DNAH8: variants seen among roughly 807,000 people sequenced by gnomAD.
DNAH8 encodes dynein axonemal heavy chain 8.
In DNAH8, 382 loss-of-function variants were observed where a neutral mutation model predicts 562.1. That is an observed-to-expected ratio of 0.68 (90% CI 0.63 to 0.74). DNAH8 has a LOEUF of 0.74. DNAH8 is among the 30% of genes least tolerant of loss of function. The probability of loss-of-function intolerance (pLI) is 0.00; values close to 1 mark genes in which losing one functional copy is unlikely to be tolerated. For synonymous variants in DNAH8, 1,881 were observed against 1,919.4 expected, an observed-to-expected ratio of 0.98 and a Z score of 0.52; for missense variants, 5,203 against 5,620.4, an observed-to-expected ratio of 0.93 and a Z score of 2.37.
chr6:38,867,948 C>A (rs1165571077), intron 47 of DNAH8, 114 bp from the exon 48 acceptor site: 7 of 1,063,636 alleles, frequency 6.6e-6, no homozygotes, highest in Non-Finnish European at 9.4e-6. Flanking sequence ...GGCTTAGTCA[C>A]CCCAAAACTA....
At chr6:38,719,444 C>T (rs887025789) in intron 1 of DNAH8, among the ~76,000 whole-genome samples, 3 of 151,964 alleles carry the variant, frequency 2.0e-5, no homozygotes, top group East Asian at 1.9e-4. Context: ...TCCATGTATC[C>T]CCAGTGTTTA....
Position 38,853,352 on chromosome 6 carries a change from GAATACACAATGCTTAAGTAATGGTGA to G in DNAH8, c.5733+8_5733+33del, listed in dbSNP as rs995341423. On this transcript the variant is annotated splice_donor_region_variant and intron_variant, in intron 41 of 92. Coordinates refer to ENST00000327475, the MANE Select transcript of DNAH8 (RefSeq NM_001206927.2). ...CTCAGCCACTTTCCAGCACAGGTGA[GAATACACAATGCTTAAGTAATGGTGA>G]AAAGAAATGGAAATAAAGGGGAAGG... The G allele has an allele frequency of 6.2e-7, 1 of 1,610,358 alleles. No individual in the cohort carries two copies. The highest frequency in any genetic ancestry group is 1.3e-5 in the African/African-American group (1 of 74,628).
At position 38,822,906 on chromosome 6, in the gene DNAH8, G is replaced by T. The variant is rs778934081; in HGVS notation, c.3592G>T (p.Asp1198Tyr). 1.9e-6 allele frequency: 3 copies of T among 1,612,708 alleles called. No homozygotes were observed. Among genetic ancestry groups the T allele is most frequent in the Admixed American group, 1.7e-5 (1 of 59,676 alleles). The change falls in exon 27 of 93, where the codon GAT becomes TAT. Residue 1198 changes from aspartate to tyrosine, a missense_variant. By Grantham distance (160) the Asp-to-Tyr change is radical. Around this residue, in one of 6 missense-constraint regions of DNAH8, gnomAD observed 2,176 missense variants for 2,365.1 expected, o/e 0.92. Coordinates refer to ENST00000327475, the MANE Select transcript of DNAH8 (RefSeq NM_001206927.2). ...NFYPGVAEHKDISKLVLLLSS... is the reference protein window; with the variant it reads ...NFYPGVAEHKYISKLVLLLSS... ...TTACCCGGGGGTAGCGGAGCACAAGGATATTTCTAAGTTGGTCCTGCTCCT... is the reference window on the plus strand; with the variant it reads ...TTACCCGGGGGTAGCGGAGCACAAGTATATTTCTAAGTTGGTCCTGCTCCT...
At chr6:38,758,684 T>C (rs985538650) in intron 10 of DNAH8, among the ~76,000 whole-genome samples, 10 of 152,116 alleles carry the variant, frequency 6.6e-5, no homozygotes, top group African/African-American at 2.4e-4. Flanking sequence ...ATAGCTCTTA[T>C]TATTTTGAGA....
In DNAH8 at chr6:38,783,102, C is replaced by T; in HGVS notation, c.2358C>T (p.His786=). Reference sequence around the variant, plus strand: ...TGGTGGAATTCGAGGTGGTCTATCACACAGCCTGGATCAGAGAGATTTCAC... The same window carrying T: ...TGGTGGAATTCGAGGTGGTCTATCATACAGCCTGGATCAGAGAGATTTCAC... ...YVLVEFEVVY[H]TAWIREISQL... Residue 786 remains histidine (H), a synonymous_variant, in exon 17 of 93, where the codon CAC becomes CAT. Transcript: ENST00000327475. 2 of 1,614,028 alleles carry T rather than the reference C, an allele frequency of 1.2e-6. No homozygotes were observed. Among genetic ancestry groups the T allele is most frequent in the Non-Finnish European group, 1.7e-6 (2 of 1,179,918 alleles).
intron 82 of DNAH8, among the ~76,000 whole-genome samples, chr6:38,957,866 C>CAAAAA (rs1209427701): frequency 3.6e-4 from 27 of 75,844 alleles, no homozygotes; most frequent in East Asian, 1.3e-3. Context: ...ATGCCTACAC[C>CAAAAA]AAAAAAAAAA....
chr6:38,816,142 T>C (rs1387825053), intron 26 of DNAH8, among the ~76,000 whole-genome samples: 2 of 152,132 alleles, frequency 1.3e-5, no homozygotes, highest in Non-Finnish European at 2.9e-5. Flanking sequence ...TAGGTAAACA[T>C]GTGCCATGGT....
intron 8 of DNAH8, among the ~76,000 whole-genome samples, chr6:38,745,576 A>G (rs1764859053): frequency 6.6e-6 from 1 of 152,206 alleles, no homozygotes; most frequent in Non-Finnish European, 1.5e-5. Context: ...TGAAGGGGTA[A>G]CATTAGTACG....
intron 21 of DNAH8, 113 bp downstream of exon 21, chr6:38,791,787 T>TTG: frequency 9.0e-7 from 1 of 1,106,848 alleles, no homozygotes; most frequent in African/African-American, 1.6e-5. Context: ...GACTTTTTTT[T>TTG]TTTGTTTTTT....
intron 62 of DNAH8, among the ~76,000 whole-genome samples, chr6:38,904,934 CT>C (rs1780344129): frequency 6.6e-6 from 1 of 152,022 alleles, no homozygotes; most frequent in South Asian, 2.1e-4. Flanking sequence ...ACAGAGAATA[CT>C]TTTGGAAAAC....
rs1047801361 is a variant in DNAH8 at position 38,973,128 on chromosome 6, T to C, written c.12526-533T>C. 3.5e-4 allele frequency among the ~76,000 whole-genome samples: 53 copies of C among 152,242 alleles called. 2 individuals are homozygous for C. Among genetic ancestry groups the C allele is most frequent in the East Asian group, 5.8e-4 (3 of 5,208 alleles). Reference sequence around the variant, plus strand: ...AATCAAGTATTTATTTAGAAAGTGCTTAATAAGTTATGTGGTTTCAGGAAA... The same window carrying C: ...AATCAAGTATTTATTTAGAAAGTGCCTAATAAGTTATGTGGTTTCAGGAAA... On this transcript the variant is annotated intron_variant, in intron 83 of 92. Transcript: ENST00000327475.
At chr6:38,862,186 A>G in intron 43 of DNAH8, 94 bp from the exon 44 acceptor site, 2 of 1,106,426 alleles carry the variant, frequency 1.8e-6, no homozygotes, top group Non-Finnish European at 2.6e-6. Flanking sequence ...TCTAAAATAA[A>G]TAGGCCCATT....
At chr6:39,009,030 T>C (rs1766000969) in intron 89 of DNAH8, 60 bp downstream of exon 89, 3 of 1,246,086 alleles carry the variant, frequency 2.4e-6, no homozygotes, top group Non-Finnish European at 1.1e-6. Flanking sequence ...AACAGTAAGT[T>C]TGATTACCTT....
intron 53 of DNAH8, among the ~76,000 whole-genome samples, chr6:38,879,032 AAAG>A (rs1317037914): frequency 2.6e-5 from 4 of 152,302 alleles, no homozygotes; most frequent in Non-Finnish European, 4.4e-5. Flanking sequence ...TAAAATTTAA[AAAG>A]AAGAAATAGA....
At chr6:38,769,295 G>A (rs1361324054) in intron 11 of DNAH8, among the ~76,000 whole-genome samples, 3 of 152,124 alleles carry the variant, frequency 2.0e-5, no homozygotes, top group Non-Finnish European at 4.4e-5. Flanking sequence ...AGGTATACAC[G>A]TGCCATGGTG....
intron 43 of DNAH8, among the ~76,000 whole-genome samples, 196 bp downstream of exon 43, chr6:38,860,825 A>G (rs569744418): frequency 6.6e-6 from 1 of 152,358 alleles, no homozygotes; most frequent in Non-Finnish European, 1.5e-5. Flanking sequence ...AGAAAAAGAT[A>G]AAAGAATAAA....
At chr6:39,023,268 G>T (rs958859437) in intron 91 of DNAH8, among the ~76,000 whole-genome samples, 1 of 152,118 alleles carries the variant, frequency 6.6e-6, no homozygotes, top group Non-Finnish European at 1.5e-5. Flanking sequence ...CGAGGCAGGC[G>T]GATCACGAGG....
chr6:38,734,366 C>A, intron 4 of DNAH8, 108 bp from the exon 5 acceptor site: 14 of 1,153,418 alleles, frequency 1.2e-5, no homozygotes, highest in East Asian at 1.3e-4. Flanking sequence ...GTATTGAAAA[C>A]TTCTTACAAT....
chr6:39,021,325 A>G (rs1766903847), intron 91 of DNAH8, among the ~76,000 whole-genome samples: 2 of 140,216 alleles, frequency 1.4e-5, no homozygotes, highest in East Asian at 4.7e-4. Context: ...CAGAACATGC[A>G]CTTTTAGTAC....
Sources: allele counts gnomAD v4.1 joint callset (sites outside exome capture counted in the v4.1 genomes callset), GRCh38; gene constraint gnomAD v4.1.1; regional missense constraint gnomAD v4.1.1; transcripts MANE v1.5; gene names NCBI Gene and HGNC (gene_info 2026-07-23, HGNC 2026-07-21).